MCU: variants seen among roughly 807,000 people sequenced by gnomAD.
MCU encodes mitochondrial calcium uniporter, also known as calcium uniporter protein, mitochondrial.
In MCU, 12 loss-of-function variants were observed where a neutral mutation model predicts 45.2. The observed-to-expected ratio is 0.27, with a 90% CI of 0.17 to 0.43. The LOEUF is 0.43. MCU is among the 20% of genes least tolerant of loss of function. The probability of loss-of-function intolerance (pLI) is 1.00; values close to 1 mark genes in which losing one functional copy is unlikely to be tolerated. For synonymous variants in MCU, 160 were observed against 165.1 expected, an observed-to-expected ratio of 0.97 and a Z score of 0.24; for missense variants, 324 against 436.7, an observed-to-expected ratio of 0.74 and a Z score of 2.30.
At chr10:72,787,189 T>C (rs1844085049) in intron 1 of MCU, among the ~76,000 whole-genome samples, 1 of 152,252 alleles carries the variant, frequency 6.6e-6, no homozygotes, top group Non-Finnish European at 1.5e-5. Context: ...CACGAAGCCT[T>C]CTCTGGCCAC....
At chr10:72,722,149 G>C (rs1270158334) in intron 1 of MCU, among the ~76,000 whole-genome samples, 1 of 151,718 alleles carries the variant, frequency 6.6e-6, no homozygotes, top group Non-Finnish European at 1.5e-5. Context: ...GTGTAGATTA[G>C]TATAACATAC....
At chr10:72,793,035 TG>T (rs1844190753) in intron 1 of MCU, among the ~76,000 whole-genome samples, 1 of 152,058 alleles carries the variant, frequency 6.6e-6, no homozygotes, top group Non-Finnish European at 1.5e-5. Context: ...CATGCCACCA[TG>T]CCCGGCTAAT....
intron 1 of MCU, among the ~76,000 whole-genome samples, chr10:72,764,003 A>C (rs570347814): frequency 6.6e-6 from 1 of 152,282 alleles, no homozygotes; most frequent in African/African-American, 2.4e-5. Flanking sequence ...TTTTTCTCTA[A>C]AAGTAGCCAT....
At chr10:72,826,011 A>G (rs1844793062) in intron 1 of MCU, among the ~76,000 whole-genome samples, 1 of 152,134 alleles carries the variant, frequency 6.6e-6, no homozygotes. Flanking sequence ...CTCGTTGAAT[A>G]ATGGTGAAGG....
Position 72,852,618 on chromosome 10 carries a change from G to A in MCU, c.221-6559G>A, listed in dbSNP as rs115910711. Among the ~76,000 whole-genome samples, 962 of 152,230 alleles carry A rather than the reference G, an allele frequency of 6.3e-3. 12 individuals carry two copies. The highest frequency in any genetic ancestry group is 0.021 in the African/African-American group (856 of 41,538). ...ATTGGTTGAGTTTACAGCCTGAGGC[G>A]GCCTCTAAATTGCATCACAGAGAGG... On this transcript the variant is annotated intron_variant, in intron 2 of 7. Coordinates refer to ENST00000373053, the MANE Select transcript of MCU (RefSeq NM_138357.3).
At chr10:72,701,064 TATG>T (rs1275423310) in intron 1 of MCU, among the ~76,000 whole-genome samples, 1 of 152,206 alleles carries the variant, frequency 6.6e-6, no homozygotes, top group African/African-American at 2.4e-5. Flanking sequence ...ACCTCTTTTC[TATG>T]ATAAGTAATG....
intron 1 of MCU, among the ~76,000 whole-genome samples, chr10:72,741,130 C>T (rs1410230249): frequency 4.2e-5 from 6 of 141,844 alleles, no homozygotes; most frequent in Non-Finnish European, 6.0e-5. Flanking sequence ...GACGGAGTCT[C>T]ACTCTGTCCC....
At chr10:72,692,697 G>A (rs1842638532) in intron 1 of MCU, 9 of 1,227,280 alleles carry the variant, frequency 7.3e-6, no homozygotes, top group Non-Finnish European at 3.1e-6. Context: ...CCTCCTCCGG[G>A]CGGGTTGGGG....
chr10:72,785,367 A>G, intron 1 of MCU, among the ~76,000 whole-genome samples: 1 of 152,186 alleles, frequency 6.6e-6, no homozygotes, highest in East Asian at 1.9e-4. Context: ...TCCCTGTGGT[A>G]TGCAGAAACT....
chr10:72,749,094 C>A (rs1366347484), intron 1 of MCU, among the ~76,000 whole-genome samples: 1 of 151,764 alleles, frequency 6.6e-6, no homozygotes, highest in Non-Finnish European at 1.5e-5. Context: ...ATGGTGAAAT[C>A]TCATCTCTCC....
intron 1 of MCU, among the ~76,000 whole-genome samples, chr10:72,763,410 G>A (rs1843682428): frequency 6.6e-6 from 1 of 152,162 alleles, no homozygotes; most frequent in Non-Finnish European, 1.5e-5. Context: ...ATGAGTGGCT[G>A]CTGGCTGGGT....
chr10:72,705,484 C>A (rs1351312318), intron 1 of MCU, among the ~76,000 whole-genome samples: 1 of 151,526 alleles, frequency 6.6e-6, no homozygotes, highest in Non-Finnish European at 1.5e-5. Flanking sequence ...GAGTTCGAGA[C>A]CAGCCTGGAA....
intron 1 of MCU, among the ~76,000 whole-genome samples, chr10:72,712,562 T>A (rs568836632): frequency 6.6e-6 from 1 of 152,312 alleles, no homozygotes; most frequent in African/African-American, 2.4e-5. Flanking sequence ...CTATCTGCTT[T>A]ATTTTGTAAA....
At chr10:72,850,565 G>A (rs1446725688) in intron 2 of MCU, among the ~76,000 whole-genome samples, 2 of 151,986 alleles carry the variant, frequency 1.3e-5, no homozygotes, top group Non-Finnish European at 2.9e-5. Flanking sequence ...AAAATAACAA[G>A]CATTTGTATT....
At chr10:72,822,970 T>C (rs1410471638) in intron 1 of MCU, among the ~76,000 whole-genome samples, 1 of 152,278 alleles carries the variant, frequency 6.6e-6, no homozygotes, top group East Asian at 1.9e-4. Flanking sequence ...TTCCTCACAA[T>C]GTTATCAGAG....
At chr10:72,838,383 G>C (rs911749852) in intron 2 of MCU, among the ~76,000 whole-genome samples, 3 of 152,142 alleles carry the variant, frequency 2.0e-5, no homozygotes. Flanking sequence ...GGAGGCCAAG[G>C]CAGGAGGATC....
intron 1 of MCU, among the ~76,000 whole-genome samples, chr10:72,717,486 T>C (rs2132668232): frequency 6.6e-6 from 1 of 152,260 alleles, no homozygotes; most frequent in East Asian, 1.9e-4. Context: ...CTCAAACTCC[T>C]GACCTCAGGT....
chr10:72,781,457 T>TA (rs1843993003), intron 1 of MCU, among the ~76,000 whole-genome samples: 1 of 152,240 alleles, frequency 6.6e-6, no homozygotes. Context: ...AGTCAGGTTA[T>TA]AGGTGGTAAA....
chr10:72,748,417 C>T (rs952097391), intron 1 of MCU, among the ~76,000 whole-genome samples: 13 of 152,214 alleles, frequency 8.5e-5, no homozygotes, highest in Non-Finnish European at 1.3e-4. Context: ...TCATATTGAA[C>T]AGTGTAGTTC....
Sources: gnomAD v4.1 joint callset for allele counts (sites outside exome capture counted in the v4.1 genomes callset) on GRCh38, gnomAD v4.1.1 for gene constraint, MANE v1.5 for transcripts, NCBI Gene and HGNC (gene_info 2026-07-23, HGNC 2026-07-21) for gene names.